CPNE4: variants seen among roughly 807,000 people sequenced by gnomAD.
CPNE4 encodes copine-4.
Under a neutral mutation model 67.9 loss-of-function variants are expected in CPNE4, and 25 were observed. The observed-to-expected ratio is 0.37, with a 90% confidence interval of 0.27 to 0.51. CPNE4 has a LOEUF of 0.51. Ranked by LOEUF, CPNE4 falls within the 20% of genes least tolerant of loss-of-function variation. The pLI is 0.93. For missense variants in CPNE4, 464 were observed against 690.8 expected (o/e 0.67, Z 3.68); for synonymous variants, 242 against 244.9 (o/e 0.99, Z 0.11).
intron 1 of CPNE4, among the ~76,000 whole-genome samples, chr3:131,908,753 C>A (rs1049673151): frequency 6.6e-6 from 1 of 152,080 alleles, no homozygotes; most frequent in African/African-American, 2.4e-5. Context: ...AGGTATAATG[C>A]AAAAAGACTC....
intron 1 of CPNE4, among the ~76,000 whole-genome samples, chr3:131,947,424 T>C (rs920456759): frequency 3.5e-4 from 53 of 152,096 alleles, no homozygotes; most frequent in African/African-American, 1.3e-3. Context: ...GTGTGATGTT[T>C]CCATCCCTGT....
chr3:131,866,353 G>A (rs984803575), intron 2 of CPNE4, among the ~76,000 whole-genome samples: 13 of 152,176 alleles, frequency 8.5e-5, no homozygotes, highest in African/African-American at 1.4e-4. Flanking sequence ...TGAGGCCTCC[G>A]GGATCCTCTG....
At chr3:131,684,196 T>G (rs945383240) in intron 6 of CPNE4, among the ~76,000 whole-genome samples, 2 of 152,196 alleles carry the variant, frequency 1.3e-5, no homozygotes, top group African/African-American at 4.8e-5. Flanking sequence ...TTTGGTGTTC[T>G]TATGGGTAGG....
At chr3:131,844,710 C>A (rs532480486) in intron 2 of CPNE4, among the ~76,000 whole-genome samples, 1 of 152,274 alleles carries the variant, frequency 6.6e-6, no homozygotes, top group South Asian at 2.1e-4. Flanking sequence ...GATATTAGCT[C>A]ATAAAATAGT....
chr3:131,909,726 C>G (rs181845939), intron 1 of CPNE4, among the ~76,000 whole-genome samples: 31 of 151,418 alleles, frequency 2.0e-4, no homozygotes, highest in Admixed American at 2.0e-3. Context: ...CAATAGTTGC[C>G]CAAGATAATT....
upstream of CPNE4, chr3:132,037,860 A>AT (rs1262893535): frequency 4.8e-6 from 2 of 418,308 alleles, no homozygotes; most frequent in Non-Finnish European, 8.7e-6. Flanking sequence ...AGTTGATACC[A>AT]TTTTTTAAGG....
At chr3:131,538,262 C>T (rs1011982502) in intron 15 of CPNE4, among the ~76,000 whole-genome samples, 1 of 152,198 alleles carries the variant, frequency 6.6e-6, no homozygotes, top group African/African-American at 2.4e-5. Context: ...TGAAATAAAG[C>T]AAGTCTGACT....
chr3:131,673,080 A>T (rs962986285), intron 6 of CPNE4, among the ~76,000 whole-genome samples: 1 of 152,070 alleles, frequency 6.6e-6, no homozygotes, highest in African/African-American at 2.4e-5. Context: ...TCCCAGCACC[A>T]TTTATTCAAG....
At chr3:131,653,198 T>A (rs540636693) in intron 7 of CPNE4, among the ~76,000 whole-genome samples, 1 of 141,648 alleles carries the variant, frequency 7.1e-6, no homozygotes, top group East Asian at 2.1e-4. Context: ...CAGGCTGGAG[T>A]GCAGTGGTGC....
At chr3:131,963,538 G>A (rs2072246767) in intron 1 of CPNE4, among the ~76,000 whole-genome samples, 1 of 152,220 alleles carries the variant, frequency 6.6e-6, no homozygotes. Context: ...GACCTGGGAT[G>A]CTTGAGCTTG....
At chr3:131,739,512 G>T (rs114866157) in intron 2 of CPNE4, among the ~76,000 whole-genome samples, 143 of 152,252 alleles carry the variant, frequency 9.4e-4, no homozygotes, top group African/African-American at 3.2e-3. Flanking sequence ...TTCTGTGTCT[G>T]CATGTCTTAC....
At chr3:131,650,638 G>A (rs1258973113) in intron 7 of CPNE4, among the ~76,000 whole-genome samples, 2 of 148,438 alleles carry the variant, frequency 1.3e-5, no homozygotes, top group Non-Finnish European at 3.0e-5. Flanking sequence ...CCGGCTACTC[G>A]GGAGGCTGAG....
rs920803742 is a variant in CPNE4 at position 131,840,040 on chromosome 3, A to G, written c.180+65224T>C. Reference sequence around the variant, plus strand: ...GAAACAATCATGAATATACATACATACATTCATGTAGCATGAGGGAGAACT... The same window carrying G: ...GAAACAATCATGAATATACATACATGCATTCATGTAGCATGAGGGAGAACT... On this transcript the variant is annotated intron_variant, in intron 2 of 15. Transcript: ENST00000429747. 1.2e-4 allele frequency among the ~76,000 whole-genome samples: 19 copies of G among 152,316 alleles called. 1 individual carries two copies. The highest frequency in any genetic ancestry group is 4.1e-4 in the African/African-American group (17 of 41,584).
chr3:131,579,440 G>A (rs532614945), intron 9 of CPNE4, among the ~76,000 whole-genome samples: 1 of 151,968 alleles, frequency 6.6e-6, no homozygotes, highest in Non-Finnish European at 1.5e-5. Context: ...TGAATCTAGG[G>A]GTAATTTCAA....
intron 5 of CPNE4, among the ~76,000 whole-genome samples, chr3:131,686,971 A>AT (rs1255058928): frequency 1.3e-5 from 2 of 152,070 alleles, no homozygotes; most frequent in Non-Finnish European, 1.5e-5. Flanking sequence ...CTTAGTAGCT[A>AT]TTTTTTTAAA....
rs148735919 is a variant in CPNE4, at chr3:131,911,501, A to G, written c.-1-6057T>C. ...TTGTGGTAATATTATCTAGCAACCA[A>G]TAATTATTAATAATACAAACAGATT... On this transcript the variant is annotated intron_variant, in intron 1 of 15. Transcript: ENST00000429747. Among the ~76,000 whole-genome samples the G allele has an allele frequency of 4.7e-3, 708 of 151,708 alleles. 5 individuals carry two copies. The highest frequency in any genetic ancestry group is 0.016 in the African/African-American group (670 of 41,176).
chr3:131,836,010 A>G (rs1247298755), intron 2 of CPNE4, among the ~76,000 whole-genome samples: 1 of 152,210 alleles, frequency 6.6e-6, no homozygotes, highest in East Asian at 1.9e-4. Flanking sequence ...CTTACCCTGA[A>G]GTGACCTATG....
At chr3:131,977,392 C>G (rs1483587404) in intron 1 of CPNE4, among the ~76,000 whole-genome samples, 3 of 152,104 alleles carry the variant, frequency 2.0e-5, no homozygotes. Context: ...AGCACCTTCT[C>G]CTTTCAGGGT....
At position 131,678,348 on chromosome 3, in the gene CPNE4, G is replaced by A. The variant is rs144821018; in HGVS notation, c.591+7527C>T. Among the ~76,000 whole-genome samples, 1,049 of 152,190 alleles carry A rather than the reference G, an allele frequency of 6.9e-3. 15 individuals carry two copies. Among genetic ancestry groups the A allele is most frequent in the African/African-American group, 0.024 (998 of 41,520 alleles). ...AGAAGCTTTCGGGCTGAGACGATGG[G>A]GTTTTCTAGATATAGGATCATGTCA... is the stretch of plus-strand genomic sequence containing the variant. On this transcript the variant is annotated intron_variant, in intron 6 of 15. Transcript: ENST00000429747.
Sources: allele counts gnomAD v4.1 joint callset (sites outside exome capture counted in the v4.1 genomes callset), GRCh38; gene constraint gnomAD v4.1.1; transcripts MANE v1.5; gene names NCBI Gene and HGNC (gene_info 2026-07-23, HGNC 2026-07-21).